AXIN2: variants seen among roughly 807,000 people sequenced by gnomAD.
The protein encoded by AXIN2 is axin 2.
Under a neutral mutation model 74.7 loss-of-function variants are expected in AXIN2, and 21 were observed. The observed-to-expected ratio is 0.28, with a 90% CI of 0.20 to 0.40. The LOEUF is 0.40. AXIN2 is among the 10% of genes least tolerant of loss of function. The probability of loss-of-function intolerance (pLI) is 1.00; values close to 1 mark genes in which losing one functional copy is unlikely to be tolerated. For synonymous variants in AXIN2, 532 were observed against 454.9 expected, an observed-to-expected ratio of 1.17 and a Z score of -2.16; for missense variants, 1,144 against 1,111.1, an observed-to-expected ratio of 1.03 and a Z score of -0.42.
At chr17:65,538,076 AGCCCACGCGCATGCGCATGCAACCCAC>A in intron 5 of AXIN2, 100 bp downstream of exon 5, 2 of 1,531,090 alleles carry the variant, frequency 1.3e-6, no homozygotes, top group Non-Finnish European at 1.8e-6. Flanking sequence ...ACCCACACGC[AGCCCACGCGCATGCGCATGCAACCCAC>A]GCACATGCGC....
Position 65,558,491 on chromosome 17 carries a change from G to C in AXIN2, c.130C>G (p.Gln44Glu). ...GAGACAGGCATGGGTTTGGTGACCT[G>C]GCCCTTGCCCACCCCTGGCTGACAC... ...PPCQPGVGKG[Q>E]VTKPMPVSSN... The change falls in exon 2 of 11, where the codon CAG (glutamine) becomes GAG (glutamate). Residue 44 changes from glutamine to glutamate, a missense_variant. This residue lies in a region of AXIN2 where 1,053 missense variants were observed against 973.5 expected (regional missense o/e 1.08). Transcript: ENST00000307078. 1 of 1,611,730 alleles carries C rather than the reference G, an allele frequency of 6.2e-7. No homozygotes were observed. The highest frequency in any genetic ancestry group is 8.5e-7 in the Non-Finnish European group (1 of 1,178,430).
chr17:65,543,222 G>C (rs2044068415), intron 3 of AXIN2, among the ~76,000 whole-genome samples: 1 of 152,214 alleles, frequency 6.6e-6, no homozygotes, highest in African/African-American at 2.4e-5. Flanking sequence ...ATGGAGCAGA[G>C]ACAGAGCACT....
intron 9 of AXIN2, among the ~76,000 whole-genome samples, chr17:65,534,458 C>T (rs1356007881): frequency 6.6e-6 from 1 of 152,230 alleles, no homozygotes; most frequent in Admixed American, 6.5e-5. Context: ...CGGGTCTCAC[C>T]TGGATTGGAG....
At chr17:65,534,545 T>C (rs569029362) in intron 9 of AXIN2, among the ~76,000 whole-genome samples, 1 of 152,202 alleles carries the variant, frequency 6.6e-6, no homozygotes, top group South Asian at 2.1e-4. Flanking sequence ...CCACCCCTTA[T>C]TCCAGCAGAA....
chr17:65,532,084 G>A (rs1167081606), intron 10 of AXIN2, among the ~76,000 whole-genome samples: 1 of 152,160 alleles, frequency 6.6e-6, no homozygotes, highest in Non-Finnish European at 1.5e-5. Context: ...CAGCTGGGAG[G>A]GCCTTCCCAC....
intron 2 of AXIN2, among the ~76,000 whole-genome samples, chr17:65,556,382 A>G (rs2044267015): frequency 6.6e-6 from 1 of 152,204 alleles, no homozygotes; most frequent in South Asian, 2.1e-4. Context: ...GGGCAGGCGT[A>G]GCAGGTGCCC....
At chr17:65,542,592 A>C (rs1363959942) in intron 3 of AXIN2, among the ~76,000 whole-genome samples, 1 of 152,244 alleles carries the variant, frequency 6.6e-6, no homozygotes, top group Non-Finnish European at 1.5e-5. Flanking sequence ...TTTTAAAAAC[A>C]AAACATTAAC....
At position 65,529,681 on chromosome 17, in the gene AXIN2, CAT is replaced by C. The variant is rs1567749382; in HGVS notation, c.*293_*294del. On this transcript the variant is annotated 3_prime_UTR_variant, in exon 11 of 11. Transcript: ENST00000307078. ...TATGGATTTCAGATCCCTAGGAAGT[CAT>C]ATATTATGTATGGCAGTCTCTCAAA... 4.2e-6 allele frequency: 2 copies of C among 472,068 alleles called. No homozygotes were observed. The highest frequency in any genetic ancestry group is 7.8e-6 in the Non-Finnish European group (2 of 256,086). 29.2% of individuals were successfully genotyped at this position (472,068 alleles called of 1,614,324 possible). A position where few individuals can be genotyped will look rare whatever the true frequency, so the allele number is the denominator to read the frequency against.
At chr17:65,548,157 A>G (rs965290647) in intron 3 of AXIN2, among the ~76,000 whole-genome samples, 1 of 152,228 alleles carries the variant, frequency 6.6e-6, no homozygotes, top group African/African-American at 2.4e-5. Context: ...TCCTGTTTCC[A>G]TATTGGATGA....
At chr17:65,558,833 G>C (rs1374103105) in intron 1 of AXIN2, 97 bp from the exon 2 acceptor site, 27 of 601,334 alleles carry the variant, frequency 4.5e-5, no homozygotes, top group Non-Finnish European at 6.8e-5. Flanking sequence ...AAAGTAAACA[G>C]GCTTTTCAAC....
chr17:65,538,161 A>T, intron 5 of AXIN2, 42 bp downstream of exon 5: 1 of 1,613,800 alleles, frequency 6.2e-7, no homozygotes, highest in Non-Finnish European at 8.5e-7. Context: ...ACGAGCGCTC[A>T]CGCCGTGGAC....
chr17:65,536,672 C>A, intron 7 of AXIN2, 119 bp from the exon 8 acceptor site: 5 of 1,373,992 alleles, frequency 3.6e-6, no homozygotes, highest in Non-Finnish European at 4.1e-6. Context: ...AAAAAAAAAA[C>A]TACCATAACA....
chr17:65,551,893 G>A (rs1954764069), intron 2 of AXIN2, among the ~76,000 whole-genome samples: 1 of 152,202 alleles, frequency 6.6e-6, no homozygotes, highest in African/African-American at 2.4e-5. Flanking sequence ...TATGCTGTAG[G>A]CATAGAACTG....
rs1555583743 is a variant in AXIN2 at position 65,558,503 on chromosome 17, C to T, written c.118G>A (p.Val40Met). ...EGETPPCQPGVGKGQVTKPMP... is the reference protein window; with the variant it reads ...EGETPPCQPGMGKGQVTKPMP... ...GGTTTGGTGACCTGGCCCTTGCCCA[C>T]CCCTGGCTGACACGGTGGGGTCTCC... The change falls in exon 2 of 11, where the codon GTG (valine) becomes ATG (methionine). Residue 40 changes from valine (V) to methionine (M), a missense_variant. Physicochemically the swap from Val to Met is conservative, Grantham distance 21. This residue lies in a region of AXIN2 where 1,053 missense variants were observed against 973.5 expected (regional missense o/e 1.08). Coordinates refer to ENST00000307078, the MANE Select transcript of AXIN2 (RefSeq NM_004655.4). The T allele has an allele frequency of 6.2e-7, 1 of 1,612,954 alleles. No homozygotes were observed. The highest frequency in any genetic ancestry group is 8.5e-7 in the Non-Finnish European group (1 of 1,179,216).
rs562176077 is a variant in AXIN2 at position 65,529,986 on chromosome 17, C to T, written c.2522G>A (p.Arg841Gln). 79 of 1,614,190 alleles carry T rather than the reference C, an allele frequency of 4.9e-5. No individual in the cohort carries two copies. The highest frequency in any genetic ancestry group is 1.3e-4 in the African/African-American group (10 of 75,068). Reference sequence around the variant, plus strand: ...GCCAGACCCCAGGGCTCAATCGATCCGCTCCACTTTGCCCAGAATCCGGCC... The same window carrying T: ...GCCAGACCCCAGGGCTCAATCGATCTGCTCCACTTTGCCCAGAATCCGGCC... ...YEGRILGKVE[R>Q]ID is the part of the protein sequence containing the mutation. The change falls in exon 11 of 11, where the codon CGG becomes CAG. Residue 841 changes from arginine (R) to glutamine (Q), a missense_variant. This residue lies in a region of AXIN2 where 65 missense variants were observed against 95.7 expected (regional missense o/e 0.68). Coordinates refer to ENST00000307078, the MANE Select transcript of AXIN2 (RefSeq NM_004655.4).
At chr17:65,536,685 A>C in intron 7 of AXIN2, 132 bp from the exon 8 acceptor site, 1 of 1,382,644 alleles carries the variant, frequency 7.2e-7, no homozygotes, top group Non-Finnish European at 1.0e-6. Flanking sequence ...CCATAACATG[A>C]ACAGGGGTCA....
intron 2 of AXIN2, among the ~76,000 whole-genome samples, chr17:65,552,544 CGGCTTGGCTGCAGTGCTCACTGCT>C (rs1161952539): frequency 6.6e-6 from 1 of 152,142 alleles, no homozygotes; most frequent in Non-Finnish European, 1.5e-5. Flanking sequence ...GCACTGCTGC[CGGCTTGGCTGCAGTGCTCACTGCT>C]GGGCTGAGTC....
At position 65,528,582 on chromosome 17, in the gene AXIN2, T is replaced by G; in HGVS notation, c.*1394A>C. ...CCAGTGTTTTGAAAAATATAAAATT[T>G]TAATAAAGGCTACATCTCTTAATTA... is the stretch of plus-strand genomic sequence containing the variant. On this transcript the variant is annotated 3_prime_UTR_variant, in exon 11 of 11. Transcript: ENST00000307078. 2.1e-6 allele frequency: 1 copy of G among 470,618 alleles called. No individual in the cohort carries two copies. The highest frequency in any genetic ancestry group is 4.5e-5 in the East Asian group (1 of 22,040). The allele number at this position is 470,618 out of a possible 1,614,324, so 29.2% of individuals were successfully genotyped here.
Position 65,537,841 on chromosome 17 carries a change from AG to A in AXIN2, c.1201-7del. ...GAGCCCTCTCTCTCTTCATCCTGAAAGGGAAGACGTCAGAAGGAGAAGTGAC... is the reference window on the plus strand; with the variant it reads ...GAGCCCTCTCTCTCTTCATCCTGAAAGGAAGACGTCAGAAGGAGAAGTGAC... On this transcript the variant is annotated splice_polypyrimidine_tract_variant and splice_region_variant and intron_variant, in intron 5 of 10. Coordinates refer to ENST00000307078, the MANE Select transcript of AXIN2 (RefSeq NM_004655.4). 2 of 1,544,200 alleles carry A rather than the reference AG, an allele frequency of 1.3e-6. No individual in the cohort carries two copies. The highest frequency in any genetic ancestry group is 1.7e-6 in the Non-Finnish European group (2 of 1,145,448).
Sources: gnomAD v4.1 joint callset for allele counts (sites outside exome capture counted in the v4.1 genomes callset) on GRCh38, gnomAD v4.1.1 for gene constraint, gnomAD v4.1.1 regional missense constraint, MANE v1.5 for transcripts, NCBI Gene and HGNC (gene_info 2026-07-23, HGNC 2026-07-21) for gene names.